Variants in TPRG1 observed in about 807,000 individuals in gnomAD.
TPRG1 encodes tumor protein p63 regulated 1, also known as tumor protein p63-regulated gene 1 protein.
TPRG1 carries 29 observed loss-of-function variants against 29.3 expected under a neutral mutation model. The observed-to-expected ratio is 0.99, with a 90% CI of 0.74 to 1.35. The LOEUF is 1.35. Ranked by LOEUF, TPRG1 falls within the 40% of genes most tolerant of loss-of-function variation. The pLI, the probability that TPRG1 is intolerant of heterozygous loss-of-function variation, is 0.00. For synonymous variants in TPRG1, 130 were observed against 116.8 expected (o/e 1.11, Z -0.73); for missense variants, 327 against 335.0 (o/e 0.98, Z 0.19).
intron 4 of TPRG1, chr3:189,267,447 C>T (rs192096073): frequency 6.6e-6 from 1 of 152,290 alleles, no homozygotes; most frequent in African/African-American, 2.4e-5. Flanking sequence ...AAAGCATAAT[C>T]TGACAAAGCC....
chr3:189,154,474 C>T (rs927888755), intron 5 of TPRG1, among the ~76,000 whole-genome samples: 2 of 150,888 alleles, frequency 1.3e-5, no homozygotes, highest in African/African-American at 4.9e-5. Flanking sequence ...TGGAGTCTTG[C>T]ACTGTCACCC....
In TPRG1 at chr3:189,125,471, G is replaced by A. The variant is rs573326656; in HGVS notation, c.-743-1586G>A. ...TGTCAGACCATATGATCTTCTTCCA[G>A]GGTTGTCTGTTTATAGCTGATTAAT... On this transcript the variant is annotated intron_variant, in intron 1 of 6. Transcript: ENST00000412373. Among the ~76,000 whole-genome samples the A allele has an allele frequency of 4.6e-5, 7 of 152,202 alleles. No homozygotes were observed. The South Asian group carries it at 1.5e-3, about 32-fold the overall frequency.
intron 1 of TPRG1, among the ~76,000 whole-genome samples, chr3:189,184,188 G>C (rs1330463673): frequency 6.6e-6 from 1 of 151,974 alleles, no homozygotes; most frequent in Non-Finnish European, 1.5e-5. Flanking sequence ...TGTGACCCTG[G>C]GCAAGCTCCT....
chr3:189,274,959 T>C (rs1715867779), intron 4 of TPRG1, among the ~76,000 whole-genome samples: 1 of 151,482 alleles, frequency 6.6e-6, no homozygotes, highest in Non-Finnish European at 1.5e-5. Flanking sequence ...TGTGTGTGTG[T>C]GTGTGTGTGT....
chr3:189,312,081 G>GTTTCTTTC (rs1220000280), intron 5 of TPRG1, among the ~76,000 whole-genome samples: 11 of 120,042 alleles, frequency 9.2e-5, no homozygotes, highest in African/African-American at 3.5e-4. Context: ...AACACTTTAT[G>GTTTCTTTC]TTTCTTTCTT....
intron 4 of TPRG1, among the ~76,000 whole-genome samples, chr3:189,295,039 C>G (rs1222291596): frequency 6.6e-6 from 1 of 152,234 alleles, no homozygotes; most frequent in African/African-American, 2.4e-5. Flanking sequence ...AACACTTTCC[C>G]ACATTCACGC....
chr3:189,277,579 G>A (rs556423056), intron 4 of TPRG1, among the ~76,000 whole-genome samples: 5 of 96,746 alleles, frequency 5.2e-5, no homozygotes, highest in Admixed American at 8.1e-5. Context: ...CAGTGAACAC[G>A]TTTGGACAGT....
chr3:189,151,569 C>T (rs1725937744), intron 5 of TPRG1, among the ~76,000 whole-genome samples: 1 of 152,148 alleles, frequency 6.6e-6, no homozygotes, highest in South Asian at 2.1e-4. Flanking sequence ...TAATACCTTA[C>T]ACCAAAGCCC....
chr3:189,144,088 A>C (rs1724929714), intron 3 of TPRG1, among the ~76,000 whole-genome samples: 1 of 152,046 alleles, frequency 6.6e-6, no homozygotes, highest in Non-Finnish European at 1.5e-5. Flanking sequence ...CGATTTTAAA[A>C]CTTTGAGTTA....
At chr3:189,296,119 CT>C (rs1170778058) in intron 4 of TPRG1, among the ~76,000 whole-genome samples, 1 of 152,182 alleles carries the variant, frequency 6.6e-6, no homozygotes, top group Non-Finnish European at 1.5e-5. Context: ...ATTTATTTTG[CT>C]TTTGCCTTGA....
intron 4 of TPRG1, among the ~76,000 whole-genome samples, chr3:189,078,474 A>G (rs1363940535): frequency 2.0e-5 from 3 of 152,020 alleles, no homozygotes; most frequent in Non-Finnish European, 4.4e-5. Context: ...CTATAGTTAA[A>G]ATGTCCTGAA....
At chr3:189,093,101 C>T (rs919481153) in intron 4 of TPRG1, among the ~76,000 whole-genome samples, 3 of 150,984 alleles carry the variant, frequency 2.0e-5, no homozygotes, top group Non-Finnish European at 2.9e-5. Context: ...ACCCCCAAAC[C>T]GAACCCTGTA....
rs1301128785 is a variant in TPRG1 at position 189,171,990 on chromosome 3, T to G, written c.-151T>G. The stretch of plus-strand genomic sequence containing the variant: ...CTCAGCCTACTTGGTGAAGTGAGAT[T>G]CAGACTGAGTGGGGTCACAGCACAG... On this transcript the variant is annotated 5_prime_UTR_variant, in exon 1 of 6. The change creates a new upstream start codon in the 5' untranslated region. Transcript: ENST00000345063. 3.3e-5 allele frequency: 5 copies of G among 152,232 alleles called. No homozygotes were observed. The highest frequency in any genetic ancestry group is 9.7e-5 in the African/African-American group (4 of 41,436). 9.4% of individuals were successfully genotyped at this position (152,232 alleles called of 1,614,324 possible). A position where few individuals can be genotyped will look rare whatever the true frequency, so the allele number is the denominator to read the frequency against.
intron 3 of TPRG1, among the ~76,000 whole-genome samples, chr3:189,018,179 T>C (rs1163478110): frequency 1.0e-4 from 15 of 150,126 alleles, no homozygotes; most frequent in East Asian, 3.9e-4. Context: ...ATTTTGTAGG[T>C]TGCCTGTTCA....
chr3:189,152,538 A>T (rs1472716314), intron 5 of TPRG1, among the ~76,000 whole-genome samples: 1 of 152,106 alleles, frequency 6.6e-6, no homozygotes, highest in Non-Finnish European at 1.5e-5. Flanking sequence ...AAAAAGTAGG[A>T]TTGGTACCCA....
chr3:189,185,884 A>G (rs994312404), intron 1 of TPRG1, among the ~76,000 whole-genome samples: 9 of 152,178 alleles, frequency 5.9e-5, no homozygotes. Context: ...ACTTTTTCAC[A>G]AAGCATTATT....
At chr3:189,212,634 C>T (rs563856330) in intron 2 of TPRG1, among the ~76,000 whole-genome samples, 1 of 152,036 alleles carries the variant, frequency 6.6e-6, no homozygotes, top group African/African-American at 2.4e-5. Flanking sequence ...CCTTCATTTT[C>T]AGGTAAAGAC....
chr3:189,273,100 AAATCAGCTCCTCT>A (rs1278254554), intron 4 of TPRG1, among the ~76,000 whole-genome samples: 2 of 152,148 alleles, frequency 1.3e-5, no homozygotes, highest in African/African-American at 2.4e-5. Context: ...TGTTGAGGGA[AAATCAGCTCCTCT>A]AATCAGCTCC....
At chr3:189,249,943 G>A (rs934608157) in intron 4 of TPRG1, among the ~76,000 whole-genome samples, 1 of 152,122 alleles carries the variant, frequency 6.6e-6, no homozygotes. Context: ...CCATCTTAGT[G>A]TTCATTAAAT....
Sources: gnomAD v4.1 joint callset for allele counts (sites outside exome capture counted in the v4.1 genomes callset) on GRCh38, gnomAD v4.1.1 for gene constraint, MANE v1.5 for transcripts, NCBI Gene and HGNC (gene_info 2026-07-23, HGNC 2026-07-21) for gene names.